The following HERC4 variants were observed in gnomAD, a reference collection of about 807,000 sequenced individuals.
The protein encoded by HERC4 is probable E3 ubiquitin-protein ligase HERC4.
Under a neutral mutation model 124.3 loss-of-function variants are expected in HERC4, and 28 were observed. That is an observed-to-expected ratio of 0.23 (90% CI 0.17 to 0.31). HERC4 has a LOEUF of 0.31. HERC4 is among the 10% of genes least tolerant of loss of function. The probability of loss-of-function intolerance (pLI) is 1.00; values close to 1 mark genes in which losing one functional copy is unlikely to be tolerated. For missense variants in HERC4, 713 were observed against 1,229.3 expected (o/e 0.58, Z 6.28); for synonymous variants, 407 against 421.5 (o/e 0.97, Z 0.42).
chr10:67,934,597 A>T (rs1054791421), intron 22 of HERC4, among the ~76,000 whole-genome samples: 2 of 152,074 alleles, frequency 1.3e-5, no homozygotes, highest in African/African-American at 4.8e-5. Context: ...CCTGAGAAAA[A>T]GGCATCAGAA....
chr10:68,050,039 T>TA (rs892800496), intron 3 of HERC4, among the ~76,000 whole-genome samples: 2 of 151,830 alleles, frequency 1.3e-5, no homozygotes, highest in African/African-American at 4.8e-5. Context: ...CCATCTCCAC[T>TA]AAAAAAACAA....
chr10:67,986,867 T>A (rs1379052657), intron 15 of HERC4, among the ~76,000 whole-genome samples: 1 of 152,128 alleles, frequency 6.6e-6, no homozygotes, highest in African/African-American at 2.4e-5. Flanking sequence ...TGATCTAGAA[T>A]ATGAACTTCT....
At chr10:68,040,963 T>C (rs1207142965) in intron 4 of HERC4, among the ~76,000 whole-genome samples, 5 of 150,974 alleles carry the variant, frequency 3.3e-5, no homozygotes, top group Admixed American at 6.6e-5. Context: ...AAAAAATATA[T>C]ACACACACAC....
chr10:68,038,674 C>T (rs746681996), intron 4 of HERC4, among the ~76,000 whole-genome samples: 1 of 152,150 alleles, frequency 6.6e-6, no homozygotes, highest in Non-Finnish European at 1.5e-5. Context: ...GAAACCTATT[C>T]CTTACAAGCT....
intron 3 of HERC4, among the ~76,000 whole-genome samples, chr10:68,045,345 T>C (rs2039967946): frequency 6.6e-6 from 1 of 152,014 alleles, no homozygotes; most frequent in African/African-American, 2.4e-5. Flanking sequence ...AAAAGGAAAT[T>C]AAGGAAATAA....
Position 68,073,140 on chromosome 10 carries a change from T to TA in HERC4, c.-33dup. On this transcript the variant is annotated 5_prime_UTR_variant, in exon 3 of 25. The change creates a premature stop within an existing upstream ORF in the 5' untranslated region. Transcript: ENST00000373700. ...AATTATTTTGGTCTTCCAGTTTCAA[T>TA]AAAAAATTCTCTTCTGAAACCCCGG... is the stretch of plus-strand genomic sequence containing the variant. The TA allele has an allele frequency of 6.3e-7, 1 of 1,575,944 alleles. No individual in the cohort carries two copies. Among genetic ancestry groups the TA allele is most frequent in the East Asian group, 2.2e-5 (1 of 44,466 alleles).
chr10:68,013,958 G>T, intron 9 of HERC4, 68 bp downstream of exon 9: 3 of 1,304,826 alleles, frequency 2.3e-6, no homozygotes, highest in Non-Finnish European at 1.0e-6. Flanking sequence ...AAATCTTCAT[G>T]ATTTAAGAGC....
intron 16 of HERC4, among the ~76,000 whole-genome samples, chr10:67,958,233 C>G (rs572435522): frequency 6.6e-6 from 1 of 152,264 alleles, no homozygotes; most frequent in African/African-American, 2.4e-5. Context: ...TTATTACATT[C>G]TAAACATTCA....
At chr10:67,940,899 C>G in intron 20 of HERC4, 40 bp downstream of exon 20, 1 of 1,573,862 alleles carries the variant, frequency 6.4e-7, no homozygotes, top group Non-Finnish European at 8.6e-7. Context: ...CTTTTTACCT[C>G]CCAAACCCTA....
chr10:67,924,089 A>T (rs140842731), intron 24 of HERC4, among the ~76,000 whole-genome samples: 1 of 152,278 alleles, frequency 6.6e-6, no homozygotes, highest in East Asian at 1.9e-4. Flanking sequence ...CAGAGAAAAG[A>T]GCAATACAGT....
At chr10:68,018,943 T>C (rs1356030955) in intron 8 of HERC4, among the ~76,000 whole-genome samples, 1 of 143,178 alleles carries the variant, frequency 7.0e-6, no homozygotes, top group Non-Finnish European at 1.5e-5. Context: ...CAACCTATGC[T>C]AAAATTTATA....
intron 18 of HERC4, 66 bp downstream of exon 18, chr10:67,954,897 T>A: frequency 6.9e-7 from 1 of 1,446,952 alleles, no homozygotes; most frequent in Non-Finnish European, 9.2e-7. Context: ...TAAAAACAAA[T>A]AGGAAAATTT....
chr10:67,936,192 A>G lies in HERC4; in HGVS notation c.2615T>C (p.Val872Ala), dbSNP rs866394075. 8 of 1,603,274 alleles carry G rather than the reference A, an allele frequency of 5.0e-6. No individual in the cohort carries two copies. The Middle Eastern group carries it at 1.3e-3, about 266-fold the overall frequency. The change falls in exon 22 of 25, where the codon GTT (valine) becomes GCT (alanine). Residue 872 changes from valine to alanine, a missense_variant. Transcript: ENST00000373700. ...AACAGCTGTGTCTGCACCATTTAGA[A>G]CCAGCTCTTTCACTTCTGTTGCACC... ...NFGATEVKEL[V>A]LNGADTAVNK...
At chr10:68,049,609 A>AAAAAC (rs2040192981) in intron 3 of HERC4, among the ~76,000 whole-genome samples, 3 of 151,274 alleles carry the variant, frequency 2.0e-5, no homozygotes, top group South Asian at 2.1e-4. Context: ...AAAAAAAAAA[A>AAAAAC]AAAACACTTT....
intron 7 of HERC4, among the ~76,000 whole-genome samples, chr10:68,031,420 G>C (rs965972924): frequency 2.0e-5 from 3 of 152,060 alleles, no homozygotes; most frequent in Admixed American, 2.0e-4. Context: ...GAATAAATAA[G>C]ACTTCAGTGA....
At chr10:67,992,727 A>G in intron 9 of HERC4, 45 bp from the exon 10 acceptor site, 1 of 970,244 alleles carries the variant, frequency 1.0e-6, no homozygotes. Context: ...TTTACATAAC[A>G]TATTTCAGAG....
At position 67,990,119 on chromosome 10, in the gene HERC4, A is replaced by AG. The variant is rs2132752328; in HGVS notation, c.1633+91dup. ...TTGCCTAAGACAGTGTCAAATAAGC[A>AG]GGGCAGCAGAACTGCAAATGGCAAA... On this transcript the variant is annotated intron_variant, in intron 14 of 24. Coordinates refer to ENST00000373700, the MANE Select transcript of HERC4 (RefSeq NM_015601.4). The AG allele has an allele frequency of 5.1e-6, 5 of 974,144 alleles. No individual in the cohort carries two copies. In the South Asian group the frequency reaches 8.2e-5, roughly 16 times the overall value. The allele number at this position is 974,144 out of a possible 1,614,324, so 60.3% of individuals were successfully genotyped here. A position where few individuals can be genotyped will look rare whatever the true frequency, so the allele number is the denominator to read the frequency against.
At chr10:68,023,755 CTATT>C (rs1222060677) in intron 8 of HERC4, among the ~76,000 whole-genome samples, 2 of 152,028 alleles carry the variant, frequency 1.3e-5, no homozygotes, top group East Asian at 1.9e-4. Flanking sequence ...GGGTAATTGA[CTATT>C]TATATTTTTA....
intron 19 of HERC4, among the ~76,000 whole-genome samples, chr10:67,950,341 T>A (rs1184040835): frequency 3.3e-5 from 5 of 151,706 alleles, no homozygotes; most frequent in African/African-American, 1.2e-4. Context: ...AGTGGCATGA[T>A]CTCGGCTCAC....
Sources: gnomAD v4.1 joint callset for allele counts (sites outside exome capture counted in the v4.1 genomes callset) on GRCh38, gnomAD v4.1.1 for gene constraint, MANE v1.5 for transcripts, NCBI Gene and HGNC (gene_info 2026-07-23, HGNC 2026-07-21) for gene names.